The following BARX2 variants were observed in gnomAD, a reference collection of about 807,000 sequenced individuals.
BARX2 encodes homeobox protein BarH-like 2.
In BARX2, 11 loss-of-function variants were observed where a neutral mutation model predicts 25.5. The ratio of observed to expected loss-of-function variants is 0.43; its 90% CI spans 0.27 to 0.71. BARX2 has a LOEUF of 0.71. Among genes scored for constraint, BARX2 ranks in the 30% least tolerant of loss-of-function variants. The probability of loss-of-function intolerance (pLI) is 0.19; values close to 1 mark genes in which losing one functional copy is unlikely to be tolerated. For missense variants in BARX2, 360 were observed against 359.9 expected (o/e 1.00, Z 0.00); for synonymous variants, 137 against 149.5 (o/e 0.92, Z 0.61).
intron 1 of BARX2, among the ~76,000 whole-genome samples, chr11:129,427,553 G>A (rs987566904): frequency 6.6e-6 from 1 of 152,144 alleles, no homozygotes; most frequent in African/African-American, 2.4e-5. Flanking sequence ...ATGTAAATCA[G>A]TCAAGCAGGC....
chr11:129,406,008 T>C (rs1861825906), intron 1 of BARX2, among the ~76,000 whole-genome samples: 1 of 152,242 alleles, frequency 6.6e-6, no homozygotes, highest in Non-Finnish European at 1.5e-5. Context: ...TACTTATCTA[T>C]CTCATTACTA....
In BARX2 at chr11:129,375,883, T is replaced by TA. The variant is rs947573916; in HGVS notation, c.-152dup. On this transcript the variant is annotated 5_prime_UTR_variant, in exon 1 of 4. Coordinates refer to ENST00000281437, the MANE Select transcript of BARX2 (RefSeq NM_003658.5). The surrounding 1 kb of genome is among the most constrained non-coding windows in gnomAD (Gnocchi z 4.0). ...CTAGACGCGCGGCAGGCGCGCCCGC[T>TA]ACCCGCTCTCCTCCGCGCGCCACCC... The TA allele has an allele frequency of 6.1e-5, 14 of 229,880 alleles. No homozygotes were observed. Among genetic ancestry groups the TA allele is most frequent in the African/African-American group, 3.3e-4 (14 of 42,672 alleles). 14.2% of individuals were successfully genotyped at this position (229,880 alleles called of 1,614,324 possible). A position where few individuals can be genotyped will look rare whatever the true frequency, so the allele number is the denominator to read the frequency against.
Position 129,410,855 on chromosome 11 carries a change from C to A in BARX2, c.188-25896C>A, listed in dbSNP as rs60799487. The stretch of plus-strand genomic sequence containing the variant: ...TTAAACTCTCTGCCCTCTGCTGTGC[C>A]TGACTCTGCCTGGTCCAGACCCTCT... On this transcript the variant is annotated intron_variant, in intron 1 of 3. Coordinates refer to ENST00000281437, the MANE Select transcript of BARX2 (RefSeq NM_003658.5). 6.8e-3 allele frequency among the ~76,000 whole-genome samples: 1,029 copies of A among 152,142 alleles called. 15 individuals are homozygous for A. The highest frequency in any genetic ancestry group is 0.024 in the African/African-American group (990 of 41,462).
At position 129,390,619 on chromosome 11, in the gene BARX2, T is replaced by G. The variant is rs1861656990; in HGVS notation, c.187+14397T>G. ...CTGAAACAGGGATCCAAATGCTTAC[T>G]CAGCATTTGTTGTCTCCAAGAGAAA... On this transcript the variant is annotated intron_variant, in intron 1 of 3. Coordinates refer to ENST00000281437, the MANE Select transcript of BARX2 (RefSeq NM_003658.5). The surrounding 1 kb of genome is among the most constrained non-coding windows in gnomAD (Gnocchi z 4.3). Among the ~76,000 whole-genome samples, 1 of 152,080 alleles carries G rather than the reference T, an allele frequency of 6.6e-6. No individual in the cohort carries two copies. The highest frequency in any genetic ancestry group is 1.5e-5 in the Non-Finnish European group (1 of 68,000).
chr11:129,383,821 G>C (rs1235943748), intron 1 of BARX2, among the ~76,000 whole-genome samples: 1 of 152,090 alleles, frequency 6.6e-6, no homozygotes, highest in Non-Finnish European at 1.5e-5. Flanking sequence ...ATGTCCTTAG[G>C]AACATATTCT....
intron 1 of BARX2, among the ~76,000 whole-genome samples, chr11:129,378,771 G>T (rs189146740): frequency 6.7e-6 from 1 of 150,296 alleles, no homozygotes; most frequent in Non-Finnish European, 1.5e-5. Context: ...GAAAAAAAAG[G>T]CCTCAAAATT....
chr11:129,403,708 A>T (rs1218550652), intron 1 of BARX2, among the ~76,000 whole-genome samples: 1 of 152,166 alleles, frequency 6.6e-6, no homozygotes, highest in Admixed American at 6.5e-5. Context: ...TTTGGATCAC[A>T]TGGCAAATTG....
At chr11:129,426,943 A>C (rs1468584521) in intron 1 of BARX2, among the ~76,000 whole-genome samples, 1 of 152,156 alleles carries the variant, frequency 6.6e-6, no homozygotes, top group Non-Finnish European at 1.5e-5. Flanking sequence ...ATATGGCTGC[A>C]AGGGCATTGG....
Position 129,451,297 on chromosome 11 carries a change from A to C in BARX2, c.735A>C (p.Glu245Asp), listed in dbSNP as rs1422364894. Residue 245 changes from glutamate (E) to aspartate (D), a missense_variant, in exon 4 of 4, where the codon GAA becomes GAC. Glu to Asp is a conservative substitution (Grantham distance 45). This residue lies in a region of BARX2 where 114 missense variants were observed against 109.4 expected (regional missense o/e 1.04). Transcript: ENST00000281437. ...CTCAGGGGCAGGAGGAGCTCTGTGA[A>C]GCACAGGAACCGAAAGCACGTGATG... ...EPSQGQEELC[E>D]AQEPKARDVP... 6.2e-7 allele frequency: 1 copy of C among 1,614,218 alleles called. No homozygotes were observed. The highest frequency in any genetic ancestry group is 2.2e-5 in the East Asian group (1 of 44,884).
chr11:129,414,959 T>C (rs1861929413), intron 1 of BARX2, among the ~76,000 whole-genome samples: 1 of 152,262 alleles, frequency 6.6e-6, no homozygotes, highest in South Asian at 2.1e-4. Context: ...GCTCTAGGCA[T>C]TAAGCATCTC....
In BARX2 at chr11:129,379,189, C is replaced by T. The variant is rs1278971902; in HGVS notation, c.187+2967C>T. ...GACACTGCAAAAGGGAATCCTTTCC[C>T]TGTAAGCCTCACCACAGAACGGTTT... On this transcript the variant is annotated intron_variant, in intron 1 of 3. Transcript: ENST00000281437. 2.6e-5 allele frequency among the ~76,000 whole-genome samples: 4 copies of T among 152,286 alleles called. No homozygotes were observed. In the East Asian group the frequency reaches 7.7e-4, roughly 29 times the overall value.
At chr11:129,396,448 A>C (rs1861722561) in intron 1 of BARX2, among the ~76,000 whole-genome samples, 1 of 150,926 alleles carries the variant, frequency 6.6e-6, no homozygotes, top group African/African-American at 2.4e-5. Context: ...CCTAGCTAGT[A>C]GACTATATTT....
chr11:129,389,739 A>G lies in BARX2; in HGVS notation c.187+13517A>G, dbSNP rs534978253. Among the ~76,000 whole-genome samples the G allele has an allele frequency of 3.9e-3, 563 of 145,832 alleles. 1 individual carries two copies. Among genetic ancestry groups the G allele is most frequent in the African/African-American group, 0.014 (549 of 39,402 alleles). On this transcript the variant is annotated intron_variant, in intron 1 of 3. Coordinates refer to ENST00000281437, the MANE Select transcript of BARX2 (RefSeq NM_003658.5). Reference sequence around the variant, plus strand: ...TCTTTTTTTTTTTTGAAAAAAAATGAAACTATTCTTTTTTTCTTATTTTCG... The same window carrying G: ...TCTTTTTTTTTTTTGAAAAAAAATGGAACTATTCTTTTTTTCTTATTTTCG...
chr11:129,384,913 A>G (rs1434224699), intron 1 of BARX2, among the ~76,000 whole-genome samples: 1 of 152,182 alleles, frequency 6.6e-6, no homozygotes, highest in Non-Finnish European at 1.5e-5. Context: ...TCCTTTGGTA[A>G]TGGTGGAATC....
At chr11:129,420,624 T>A (rs1462650912) in intron 1 of BARX2, among the ~76,000 whole-genome samples, 1 of 152,272 alleles carries the variant, frequency 6.6e-6, no homozygotes, top group East Asian at 1.9e-4. Flanking sequence ...GTAGTTACAG[T>A]CTGGATCACC....
At chr11:129,375,254 G>C (rs1308398205), upstream of BARX2, among the ~76,000 whole-genome samples, 1 of 152,144 alleles carries the variant, frequency 6.6e-6, no homozygotes, top group African/African-American at 2.4e-5. The surrounding 1 kb of genome is among the most constrained non-coding windows in gnomAD (Gnocchi z 4.0). Flanking sequence ...GCGAGACTGC[G>C]AGTGGAGGGC....
chr11:129,409,524 G>A (rs1212814878), intron 1 of BARX2, among the ~76,000 whole-genome samples: 2 of 152,058 alleles, frequency 1.3e-5, no homozygotes, highest in Admixed American at 1.3e-4. Flanking sequence ...ATGACGTGGT[G>A]AAAAGTGAAT....
rs576798675 is a variant in BARX2, at chr11:129,427,343, G to A, written c.188-9408G>A. Among the ~76,000 whole-genome samples, 30 of 152,308 alleles carry A rather than the reference G, an allele frequency of 2.0e-4. 1 individual carries two copies. Among genetic ancestry groups the A allele is most frequent in the African/African-American group, 7.2e-4 (30 of 41,576 alleles). Reference sequence around the variant, plus strand: ...ACTACCTCAAACTACCAGCCAGTTGGTAGGAACGGGAGCTTAGGGGAATAC... The same window carrying A: ...ACTACCTCAAACTACCAGCCAGTTGATAGGAACGGGAGCTTAGGGGAATAC... On this transcript the variant is annotated intron_variant, in intron 1 of 3. Coordinates refer to ENST00000281437, the MANE Select transcript of BARX2 (RefSeq NM_003658.5).
intron 1 of BARX2, among the ~76,000 whole-genome samples, chr11:129,389,248 C>G (rs1452573565): frequency 6.6e-6 from 1 of 152,202 alleles, no homozygotes; most frequent in Non-Finnish European, 1.5e-5. Flanking sequence ...GTAACCTCAT[C>G]ACTGAAGTAC....
Sources: gnomAD v4.1 joint callset for allele counts (sites outside exome capture counted in the v4.1 genomes callset) on GRCh38, gnomAD v4.1.1 for gene constraint, gnomAD v4.1.1 regional missense constraint, Gnocchi (gnomAD v3.1) non-coding constraint, MANE v1.5 for transcripts, NCBI Gene and HGNC (gene_info 2026-07-23, HGNC 2026-07-21) for gene names.